CERKL: variants seen among roughly 807,000 people sequenced by gnomAD.
CERKL encodes the protein ceramide kinase-like protein.
Under a neutral mutation model 63.4 loss-of-function variants are expected in CERKL, and 61 were observed. The observed-to-expected ratio is 0.96, with a 90% CI of 0.78 to 1.19. The LOEUF is 1.19. CERKL is among the 50% of genes most tolerant of loss of function. The pLI is 0.00. For missense variants in CERKL, 675 were observed against 655.5 expected (o/e 1.03, Z -0.33); for synonymous variants, 250 against 230.5 (o/e 1.08, Z -0.77).
intron 2 of CERKL, among the ~76,000 whole-genome samples, chr2:181,579,070 AT>A (rs1684386930): frequency 6.6e-6 from 1 of 152,022 alleles, no homozygotes; most frequent in Non-Finnish European, 1.5e-5. Context: ...TCTGTCATTT[AT>A]TAACTGTGTG....
intron 4 of CERKL, among the ~76,000 whole-genome samples, chr2:181,564,078 G>A (rs964147944): frequency 6.6e-6 from 1 of 151,976 alleles, no homozygotes; most frequent in Admixed American, 6.6e-5. Flanking sequence ...TAGATCCCTC[G>A]CATGACCAGT....
intron 1 of CERKL, among the ~76,000 whole-genome samples, chr2:181,642,243 C>G (rs540391755): frequency 1.3e-4 from 20 of 152,150 alleles, no homozygotes; most frequent in African/African-American, 4.3e-4. Context: ...GGGGTTTAAC[C>G]CCTGCTTCCA....
intron 1 of CERKL, among the ~76,000 whole-genome samples, chr2:181,608,101 C>T (rs1013428559): frequency 6.6e-6 from 1 of 151,916 alleles, no homozygotes; most frequent in African/African-American, 2.4e-5. Flanking sequence ...AACTCCTGGG[C>T]TCAAGTGATC....
At chr2:181,630,698 T>C (rs933750367) in intron 1 of CERKL, among the ~76,000 whole-genome samples, 1 of 152,158 alleles carries the variant, frequency 6.6e-6, no homozygotes, top group African/African-American at 2.4e-5. Context: ...ACTTCTAGCC[T>C]CAAGAACTGT....
At chr2:181,548,643 C>T in intron 7 of CERKL, 37 bp downstream of exon 7, 1 of 1,612,582 alleles carries the variant, frequency 6.2e-7, no homozygotes. Context: ...AGTCATTGAA[C>T]CTGGGATACA....
chr2:181,539,328 T>A, intron 11 of CERKL, 64 bp from the exon 12 acceptor site: 1 of 1,007,936 alleles, frequency 9.9e-7, no homozygotes, highest in Non-Finnish European at 1.6e-6. Flanking sequence ...CGAATCAAAG[T>A]TCACTGAGCC....
At chr2:181,638,455 C>G (rs1687282056) in intron 1 of CERKL, among the ~76,000 whole-genome samples, 1 of 152,052 alleles carries the variant, frequency 6.6e-6, no homozygotes, top group Admixed American at 6.5e-5. Context: ...TCCCATTGGT[C>G]TAAAAATCCA....
intron 5 of CERKL, among the ~76,000 whole-genome samples, chr2:181,552,505 T>A (rs994796355): frequency 6.6e-6 from 1 of 152,158 alleles, no homozygotes. Context: ...TCCACCATGG[T>A]TGTAAGTTTC....
intron 1 of CERKL, among the ~76,000 whole-genome samples, chr2:181,623,869 A>G (rs868701978): frequency 1.3e-5 from 2 of 152,178 alleles, no homozygotes; most frequent in Non-Finnish European, 2.9e-5. Flanking sequence ...TGTTTCATTC[A>G]GAAATATTAT....
intron 4 of CERKL, among the ~76,000 whole-genome samples, chr2:181,563,040 G>A (rs939352754): frequency 5.9e-5 from 9 of 152,046 alleles, no homozygotes; most frequent in Non-Finnish European, 1.0e-4. Flanking sequence ...ATTTACAATT[G>A]CATAAAATCT....
chr2:181,645,954 G>A (rs1422811167), intron 1 of CERKL, among the ~76,000 whole-genome samples: 2 of 152,098 alleles, frequency 1.3e-5, no homozygotes, highest in Non-Finnish European at 2.9e-5. Context: ...ATGCCACTGA[G>A]GAATATAAGG....
chr2:181,641,042 C>T (rs1687398490), intron 1 of CERKL, among the ~76,000 whole-genome samples: 1 of 152,132 alleles, frequency 6.6e-6, no homozygotes, highest in Admixed American at 6.6e-5. Context: ...CATTAGTCTC[C>T]AGACGTTCAC....
intron 2 of CERKL, among the ~76,000 whole-genome samples, chr2:181,589,485 T>C (rs1435559846): frequency 1.3e-5 from 2 of 152,222 alleles, no homozygotes; most frequent in African/African-American, 2.4e-5. Flanking sequence ...TTTACGCCTA[T>C]GTTTTCTTTC....
At chr2:181,540,042 C>T (rs1293372278) in intron 11 of CERKL, among the ~76,000 whole-genome samples, 1 of 113,716 alleles carries the variant, frequency 8.8e-6, no homozygotes, top group Non-Finnish European at 1.8e-5. Context: ...CCCTTTTCCA[C>T]ATGTAAACCT....
chr2:181,546,205 T>C (rs995565813), intron 10 of CERKL, among the ~76,000 whole-genome samples: 2 of 151,986 alleles, frequency 1.3e-5, no homozygotes, highest in Non-Finnish European at 2.9e-5. Context: ...GCCTGCAGAG[T>C]CAACAGTGGA....
chr2:181,629,404 C>T (rs1023171528), intron 1 of CERKL, among the ~76,000 whole-genome samples: 2 of 152,132 alleles, frequency 1.3e-5, no homozygotes, highest in African/African-American at 4.8e-5. Context: ...CTGAATAAAG[C>T]AGGGTAATAG....
At chr2:181,612,735 T>C (rs1356143273) in intron 1 of CERKL, among the ~76,000 whole-genome samples, 2 of 152,132 alleles carry the variant, frequency 1.3e-5, no homozygotes, top group Non-Finnish European at 2.9e-5. Flanking sequence ...TTCCAAATTA[T>C]TTTTTAATTA....
intron 1 of CERKL, among the ~76,000 whole-genome samples, chr2:181,615,523 G>T (rs937034134): frequency 6.6e-6 from 1 of 152,176 alleles, no homozygotes; most frequent in Non-Finnish European, 1.5e-5. Context: ...TTAAAATACT[G>T]CCTGAAAAAC....
chr2:181,605,919 T>C (rs1247017265), intron 1 of CERKL, among the ~76,000 whole-genome samples: 1 of 152,032 alleles, frequency 6.6e-6, no homozygotes, highest in East Asian at 1.9e-4. Context: ...AGAAGTTCCT[T>C]GCTTGCATTC....
Sources: allele counts gnomAD v4.1 joint callset (sites outside exome capture counted in the v4.1 genomes callset), GRCh38; gene constraint gnomAD v4.1.1; transcripts MANE v1.5; gene names NCBI Gene and HGNC (gene_info 2026-07-23, HGNC 2026-07-21).